The following HLCS variants were observed in gnomAD, a reference collection of about 807,000 sequenced individuals.
HLCS encodes holocarboxylase synthetase.
HLCS carries 53 observed loss-of-function variants against 75.0 expected under a neutral mutation model. The observed-to-expected ratio is 0.71, with a 90% CI of 0.57 to 0.89. HLCS has a LOEUF of 0.89. Ranked by LOEUF, HLCS falls within the 40% of genes least tolerant of loss-of-function variation. The pLI is 0.00. For synonymous variants in HLCS, 431 were observed against 428.6 expected, an observed-to-expected ratio of 1.01 and a Z score of -0.07; for missense variants, 966 against 1,074.0, an observed-to-expected ratio of 0.90 and a Z score of 1.41.
intron 6 of HLCS, among the ~76,000 whole-genome samples, chr21:36,868,207 G>GGAAAAA (rs2063628811): frequency 1.4e-5 from 2 of 147,938 alleles, no homozygotes; most frequent in Non-Finnish European, 1.5e-5. Flanking sequence ...GAAAAGGGAA[G>GGAAAAA]GGAAGGGAAA....
At chr21:36,979,736 G>A (rs1007553241) in intron 1 of HLCS, among the ~76,000 whole-genome samples, 1 of 151,960 alleles carries the variant, frequency 6.6e-6, no homozygotes, top group Non-Finnish European at 1.5e-5. Flanking sequence ...GCAACATAGG[G>A]AGACTCCATC....
At chr21:36,939,796 C>T (rs543990932) in intron 2 of HLCS, among the ~76,000 whole-genome samples, 7 of 152,230 alleles carry the variant, frequency 4.6e-5, no homozygotes, top group African/African-American at 1.4e-4. Flanking sequence ...GGTCTGAGGC[C>T]GAGTCAAAGG....
intron 6 of HLCS, among the ~76,000 whole-genome samples, chr21:36,804,779 A>G (rs2061315545): frequency 6.6e-6 from 1 of 152,236 alleles, no homozygotes; most frequent in Non-Finnish European, 1.5e-5. Flanking sequence ...CTAAAACGGT[A>G]TAAAACATCT....
chr21:36,850,683 C>G (rs999870928), intron 6 of HLCS, among the ~76,000 whole-genome samples: 1 of 152,132 alleles, frequency 6.6e-6, no homozygotes, highest in Non-Finnish European at 1.5e-5. Flanking sequence ...GGTTTTGGAC[C>G]GTAGCCACCT....
intron 8 of HLCS, among the ~76,000 whole-genome samples, chr21:36,761,567 T>A (rs2089846337): frequency 6.6e-6 from 1 of 152,052 alleles, no homozygotes; most frequent in Non-Finnish European, 1.5e-5. Flanking sequence ...CTGGGAGACT[T>A]CCCTGGTTGT....
intron 5 of HLCS, among the ~76,000 whole-genome samples, chr21:36,922,403 G>A (rs1033505188): frequency 2.6e-5 from 4 of 152,162 alleles, no homozygotes; most frequent in Admixed American, 2.0e-4. Context: ...AAAGACCCAC[G>A]ACACCAGCAG....
At chr21:36,877,292 A>AT in intron 6 of HLCS, among the ~76,000 whole-genome samples, 1 of 150,460 alleles carries the variant, frequency 6.6e-6, no homozygotes, top group East Asian at 2.0e-4. Flanking sequence ...GTTAATTTTT[A>AT]TTTTTTTCTC....
At chr21:36,912,765 C>G (rs746630638) in intron 5 of HLCS, among the ~76,000 whole-genome samples, 7 of 152,238 alleles carry the variant, frequency 4.6e-5, no homozygotes, top group East Asian at 3.9e-4. Context: ...GCCACCCCCC[C>G]CAACCCCTGC....
chr21:36,871,402 G>A (rs1341705058), intron 6 of HLCS, among the ~76,000 whole-genome samples: 1 of 151,986 alleles, frequency 6.6e-6, no homozygotes, highest in Non-Finnish European at 1.5e-5. Flanking sequence ...TTTGTTCAAG[G>A]AAGGAGAGAA....
intron 9 of HLCS, among the ~76,000 whole-genome samples, chr21:36,758,881 G>A (rs1212505427): frequency 6.6e-6 from 1 of 152,026 alleles, no homozygotes; most frequent in African/African-American, 2.4e-5. Context: ...TACTTGGGAG[G>A]CTGAGGCAAG....
At chr21:36,760,888 C>T (rs916358045) in intron 8 of HLCS, among the ~76,000 whole-genome samples, 10 of 152,222 alleles carry the variant, frequency 6.6e-5, no homozygotes, top group Admixed American at 1.3e-4. Flanking sequence ...CGGGGCTAGC[C>T]GAGTGGGTGT....
chr21:36,944,000 A>C (rs1467144398), intron 2 of HLCS: 1 of 152,154 alleles, frequency 6.6e-6, no homozygotes, highest in Non-Finnish European at 1.5e-5. Flanking sequence ...AGTGGCCCCA[A>C]AATAGTTCAT....
At chr21:36,755,900 T>C (rs1601094264) in intron 10 of HLCS, among the ~76,000 whole-genome samples, 1 of 152,382 alleles carries the variant, frequency 6.6e-6, no homozygotes, top group Non-Finnish European at 1.5e-5. Context: ...TGAGAACCAC[T>C]GTTACCTGGA....
chr21:36,815,525 AT>A (rs2061637412), intron 6 of HLCS, among the ~76,000 whole-genome samples: 1 of 152,236 alleles, frequency 6.6e-6, no homozygotes, highest in Non-Finnish European at 1.5e-5. Context: ...TGCTTCTCAT[AT>A]TATTACTGAG....
At chr21:36,922,931 A>G (rs770496808) in intron 5 of HLCS, among the ~76,000 whole-genome samples, 7 of 152,252 alleles carry the variant, frequency 4.6e-5, no homozygotes, top group Non-Finnish European at 8.8e-5. Context: ...CAAGAACTGA[A>G]GGAGAACATT....
chr21:36,839,098 A>G (rs1165474529), intron 6 of HLCS, among the ~76,000 whole-genome samples: 1 of 152,242 alleles, frequency 6.6e-6, no homozygotes. Flanking sequence ...CCGTCTTTAG[A>G]GCAATCTAAG....
intron 2 of HLCS, 128 bp downstream of exon 2, chr21:36,961,908 C>A: frequency 2.2e-6 from 1 of 461,344 alleles, no homozygotes; most frequent in Non-Finnish European, 3.6e-6. Flanking sequence ...GAGCCGAGAT[C>A]ACACCACTGC....
chr21:36,932,884 G>A (rs541869384), intron 4 of HLCS, among the ~76,000 whole-genome samples: 7 of 152,286 alleles, frequency 4.6e-5, no homozygotes, highest in South Asian at 4.1e-4. Context: ...TTGGCAGGCC[G>A]AGGCGGGAGG....
chr21:36,989,314 CTTTTTTTTTT>C (rs35073331), intron 1 of HLCS, among the ~76,000 whole-genome samples: 1 of 80,010 alleles, frequency 1.2e-5, no homozygotes, highest in Non-Finnish European at 2.2e-5. Context: ...TCTGGCCCAT[CTTTTTTTTTT>C]TTTTTTTTTT....
Sources: gnomAD v4.1 joint callset for allele counts (sites outside exome capture counted in the v4.1 genomes callset) on GRCh38, gnomAD v4.1.1 for gene constraint, MANE v1.5 for transcripts, NCBI Gene and HGNC (gene_info 2026-07-23, HGNC 2026-07-21) for gene names.